Variants in FTO observed in about 807,000 individuals in gnomAD.
The protein encoded by FTO is alpha-ketoglutarate-dependent dioxygenase FTO.
FTO carries 47 observed loss-of-function variants against 63.9 expected under a neutral mutation model. The ratio of observed to expected loss-of-function variants is 0.74; its 90% confidence interval spans 0.58 to 0.94. The LOEUF is 0.94. FTO is among the 40% of genes least tolerant of loss of function. FTO has a pLI of 0.00. For synonymous variants in FTO, 207 were observed against 224.4 expected (o/e 0.92, Z 0.69); for missense variants, 562 against 618.1 (o/e 0.91, Z 0.96).
intron 4 of FTO, among the ~76,000 whole-genome samples, chr16:53,849,901 G>A (rs921619930): frequency 6.6e-6 from 1 of 152,254 alleles, no homozygotes; most frequent in Middle Eastern, 3.4e-3. Context: ...GTTTTGCCCT[G>A]ATTTAGACAT....
chr16:53,803,362 T>C (rs897120237), intron 1 of FTO, among the ~76,000 whole-genome samples: 1 of 152,194 alleles, frequency 6.6e-6, no homozygotes, highest in African/African-American at 2.4e-5. Flanking sequence ...CTAGATTTTT[T>C]TGTATGTTGT....
At chr16:53,729,310 C>A (rs2076219074) in intron 1 of FTO, among the ~76,000 whole-genome samples, 2 of 151,672 alleles carry the variant, frequency 1.3e-5, no homozygotes, top group Admixed American at 1.3e-4. Context: ...GGGCAGATCA[C>A]AAGGTCAGGA....
chr16:54,111,721 G>A lies in FTO; in HGVS notation c.1365-41G>A, dbSNP rs530566021. The A allele has an allele frequency of 1.9e-5, 31 of 1,613,010 alleles. No homozygotes were observed. In the South Asian group the frequency reaches 2.6e-4, roughly 14 times the overall value. On this transcript the variant is annotated intron_variant, in intron 8 of 8. Coordinates refer to ENST00000471389, the MANE Select transcript of FTO (RefSeq NM_001080432.3). ...TCCTGTGGGTTGGGGTCTTCTGGGG[G>A]TTTCCTCCCGTGGATTAATTTCCTA...
Position 53,825,748 on chromosome 16 carries a change from T to C in FTO, c.124-116T>C, listed in dbSNP as rs1003917681. The C allele has an allele frequency of 2.1e-5, 24 of 1,145,862 alleles. No homozygotes were observed. The East Asian group carries it at 3.7e-4, about 18-fold the overall frequency. 71.0% of individuals were successfully genotyped at this position (1,145,862 alleles called of 1,614,324 possible). A position where few individuals can be genotyped will look rare whatever the true frequency, so the allele number is the denominator to read the frequency against. ...GGAAGATGTGACTCCTATTTAGAAA[T>C]AGCCACCAGGTAGTCCCCCCACAAC... On this transcript the variant is annotated intron_variant, in intron 2 of 8. Coordinates refer to ENST00000471389, the MANE Select transcript of FTO (RefSeq NM_001080432.3).
At chr16:53,957,443 G>A (rs41473349) in intron 8 of FTO, among the ~76,000 whole-genome samples, 1 of 152,156 alleles carries the variant, frequency 6.6e-6, no homozygotes, top group Admixed American at 6.5e-5. Flanking sequence ...GATTACCATT[G>A]GACGTTGTGG....
intron 1 of FTO, among the ~76,000 whole-genome samples, chr16:53,709,317 C>A (rs975914575): frequency 6.6e-6 from 1 of 152,170 alleles, no homozygotes. Context: ...GGTATTCATG[C>A]ATTTTTAAAA....
intron 5 of FTO, among the ~76,000 whole-genome samples, chr16:53,879,030 CAT>C (rs2080749070): frequency 6.6e-6 from 1 of 152,104 alleles, no homozygotes; most frequent in African/African-American, 2.4e-5. Flanking sequence ...ATTATAGAAC[CAT>C]TTATTGTGCT....
chr16:53,882,583 G>A (rs563699157), intron 6 of FTO, among the ~76,000 whole-genome samples: 285 of 152,304 alleles, frequency 1.9e-3, no homozygotes, highest in Middle Eastern at 0.01. Context: ...TCCAGGAACA[G>A]TATGTTTGAG....
chr16:53,895,384 G>A (rs1361708647), intron 7 of FTO, among the ~76,000 whole-genome samples: 4 of 152,092 alleles, frequency 2.6e-5, no homozygotes, highest in East Asian at 1.9e-4. Flanking sequence ...AGTGTGCTTC[G>A]AAAGCACAAA....
At chr16:53,815,884 A>G (rs1049824198) in intron 2 of FTO, among the ~76,000 whole-genome samples, 2 of 151,794 alleles carry the variant, frequency 1.3e-5, no homozygotes, top group Non-Finnish European at 2.9e-5. Flanking sequence ...CCTGACCTCA[A>G]GTGATCCGCC....
At chr16:54,048,477 G>A (rs1331676590) in intron 8 of FTO, among the ~76,000 whole-genome samples, 1 of 152,174 alleles carries the variant, frequency 6.6e-6, no homozygotes, top group African/African-American at 2.4e-5. Flanking sequence ...ATGTGGCACA[G>A]ATTAATTGAG....
chr16:53,958,792 A>T (rs6499658), intron 8 of FTO, among the ~76,000 whole-genome samples: 132,590 of 152,170 alleles, frequency 0.87, 58,303 homozygotes, highest in African/African-American at 0.97. Context: ...TCAGCCTGAC[A>T]TCTAGGCCGG....
intron 1 of FTO, among the ~76,000 whole-genome samples, chr16:53,751,108 C>A (rs111479411): frequency 6.6e-6 from 1 of 152,116 alleles, no homozygotes; most frequent in East Asian, 1.9e-4. Flanking sequence ...CTGGGCCACA[C>A]ATAAAATACA....
chr16:54,020,744 G>A (rs1364709613), intron 8 of FTO, among the ~76,000 whole-genome samples: 2 of 152,192 alleles, frequency 1.3e-5, no homozygotes, highest in Non-Finnish European at 2.9e-5. Flanking sequence ...GGCTGAGGCA[G>A]GCGGATTACT....
At chr16:53,922,598 T>G (rs1485544448) in intron 7 of FTO, among the ~76,000 whole-genome samples, 1 of 152,062 alleles carries the variant, frequency 6.6e-6, no homozygotes, top group African/African-American at 2.4e-5. Flanking sequence ...ATCTGAAAAA[T>G]CCTTGAAAGG....
At chr16:53,929,807 A>G (rs2082237252) in intron 7 of FTO, among the ~76,000 whole-genome samples, 1 of 152,180 alleles carries the variant, frequency 6.6e-6, no homozygotes, top group African/African-American at 2.4e-5. Flanking sequence ...TTCAAAGAGA[A>G]CTGTTCCAGT....
intron 8 of FTO, among the ~76,000 whole-genome samples, chr16:54,013,972 A>G (rs1465227254): frequency 1.3e-5 from 2 of 152,190 alleles, no homozygotes; most frequent in East Asian, 3.9e-4. Flanking sequence ...GTCATGAGTA[A>G]GTTGTAGAGG....
chr16:53,934,287 A>T (rs575018189), intron 8 of FTO, among the ~76,000 whole-genome samples, 178 bp downstream of exon 8: 2 of 152,260 alleles, frequency 1.3e-5, no homozygotes, highest in Non-Finnish European at 2.9e-5. Context: ...CATTAATTGT[A>T]ATGATCCATT....
At chr16:53,878,023 G>T (rs2080713613) in intron 5 of FTO, among the ~76,000 whole-genome samples, 2 of 152,228 alleles carry the variant, frequency 1.3e-5, no homozygotes, top group South Asian at 4.1e-4. Flanking sequence ...TGTAGGCTGG[G>T]TGCAGTGGCT....
Sources: gnomAD v4.1 joint callset for allele counts (sites outside exome capture counted in the v4.1 genomes callset) on GRCh38, gnomAD v4.1.1 for gene constraint, MANE v1.5 for transcripts, NCBI Gene and HGNC (gene_info 2026-07-23, HGNC 2026-07-21) for gene names.